BDP1: variants seen among roughly 807,000 people sequenced by gnomAD.
BDP1 encodes transcription factor TFIIIB component B'' homolog.
Under a neutral mutation model 266.6 loss-of-function variants are expected in BDP1, and 169 were observed. The observed-to-expected ratio is 0.63, with a 90% CI of 0.56 to 0.72. The LOEUF is 0.72. BDP1 is among the 30% of genes least tolerant of loss of function. The pLI is 0.00. For missense variants in BDP1, 3,015 were observed against 3,053.8 expected (o/e 0.99, Z 0.30); for synonymous variants, 1,090 against 1,022.4 (o/e 1.07, Z -1.26).
intron 16 of BDP1, among the ~76,000 whole-genome samples, chr5:71,507,010 C>T (rs1300333673): frequency 6.6e-6 from 1 of 151,956 alleles, no homozygotes; most frequent in Non-Finnish European, 1.5e-5. Context: ...TTTGTAGAGA[C>T]AGGGTTTCGC....
At position 71,567,567 on chromosome 5, in the gene BDP1, A is replaced by G. The variant is rs1342614914; in HGVS notation, c.*2682A>G. 1 of 152,584 alleles carries G rather than the reference A, an allele frequency of 6.6e-6. No homozygotes were observed. The highest frequency in any genetic ancestry group is 1.9e-4 in the East Asian group (1 of 5,200). 9.5% of individuals were successfully genotyped at this position (152,584 alleles called of 1,614,324 possible). Reference sequence around the variant, plus strand: ...CTTTTCTTGACTTTTTCTCCTGAACACTTATGTCTTAGCAAGTGGTCAACA... The same window carrying G: ...CTTTTCTTGACTTTTTCTCCTGAACGCTTATGTCTTAGCAAGTGGTCAACA... On this transcript the variant is annotated 3_prime_UTR_variant, in exon 39 of 39. Coordinates refer to ENST00000358731, the MANE Select transcript of BDP1 (RefSeq NM_018429.3).
intron 30 of BDP1, among the ~76,000 whole-genome samples, chr5:71,543,724 G>A (rs115726696): frequency 6.6e-6 from 1 of 152,292 alleles, no homozygotes; most frequent in South Asian, 2.1e-4. Context: ...CCAACTACAG[G>A]TGTCAACCTG....
Position 71,513,340 on chromosome 5 carries a change from C to T in BDP1, c.4403C>T (p.Thr1468Ile). Residue 1468 changes from threonine to isoleucine, a missense_variant, in exon 19 of 39, where the codon ACC (threonine) becomes ATC (isoleucine). By Grantham distance (89) the Thr-to-Ile change is moderately conservative. Coordinates refer to ENST00000358731, the MANE Select transcript of BDP1 (RefSeq NM_018429.3). ...TATATATATGAGAAGAAATCAGAAA[C>T]CAAGAAAATGGAGACTATTGTGATG... ...EKYIYEKKSE[T>I]KKMETIVMQE... 1 of 1,605,346 alleles carries T rather than the reference C, an allele frequency of 6.2e-7. No individual in the cohort carries two copies. The highest frequency in any genetic ancestry group is 8.5e-7 in the Non-Finnish European group (1 of 1,175,676).
chr5:71,504,861 T>C, intron 16 of BDP1, 110 bp downstream of exon 16: 1 of 938,530 alleles, frequency 1.1e-6, no homozygotes, highest in East Asian at 2.6e-5. Context: ...TCTGCGTGTC[T>C]AGTTATGTAG....
Position 71,510,361 on chromosome 5 carries a change from A to G in BDP1, c.3269A>G (p.Asp1090Gly), listed in dbSNP as rs762976300. Residue 1090 changes from aspartate (D) to glycine (G), a missense_variant, in exon 17 of 39, where the codon GAT (aspartate) becomes GGT (glycine). By Grantham distance (94) the Asp-to-Gly change is moderately conservative (BLOSUM62 -1). Coordinates refer to ENST00000358731, the MANE Select transcript of BDP1 (RefSeq NM_018429.3). ...VIDAIEEIEI[D>G]LEETEREISP... ...GATGCCATTGAGGAAATAGAGATAG[A>G]TTTGGAAGAAACTGAAAGAGAAATA... 5 of 1,614,008 alleles carry G rather than the reference A, an allele frequency of 3.1e-6. No individual in the cohort carries two copies. The highest frequency in any genetic ancestry group is 4.2e-6 in the Non-Finnish European group (5 of 1,179,992).
At position 71,560,100 on chromosome 5, in the gene BDP1, T is replaced by G. The variant is rs763982430; in HGVS notation, c.7359T>G (p.Asp2453Glu). 1.2e-6 allele frequency: 2 copies of G among 1,614,150 alleles called. No individual in the cohort carries two copies. The highest frequency in any genetic ancestry group is 2.2e-5 in the South Asian group (2 of 91,084). ...AFQSRGSRSP[D>E]ACMDKNVPQL... is the part of the protein sequence containing the mutation. The stretch of plus-strand genomic sequence containing the variant: ...AGAGTAGAGGATCTAGATCTCCTGA[T>G]GCATGCATGGACAAGAATGTGCCTC... Residue 2453 changes from aspartate to glutamate, a missense_variant, in exon 37 of 39, where the codon GAT (aspartate) becomes GAG (glutamate). This residue lies in a region of BDP1 where 629 missense variants were observed against 632.5 expected (regional missense o/e 0.99). Transcript: ENST00000358731.
intron 6 of BDP1, 107 bp from the exon 7 acceptor site, chr5:71,470,288 G>T (rs1762159600): frequency 2.5e-6 from 2 of 796,826 alleles, no homozygotes; most frequent in East Asian, 5.5e-5. Context: ...GTATTGCATG[G>T]GGATCTTTCT....
At chr5:71,546,798 A>G (rs181295900) in intron 32 of BDP1, among the ~76,000 whole-genome samples, 2 of 152,210 alleles carry the variant, frequency 1.3e-5, no homozygotes, top group East Asian at 3.9e-4. Context: ...ACAATATGTA[A>G]TATACAGTTT....
intron 25 of BDP1, among the ~76,000 whole-genome samples, chr5:71,527,344 C>G (rs1327663774): frequency 7.2e-5 from 11 of 152,274 alleles, no homozygotes; most frequent in African/African-American, 2.6e-4. Context: ...CTGGCCTGGT[C>G]ACTCTCAGGT....
At chr5:71,464,715 G>GTCTT (rs1761789905) in intron 4 of BDP1, among the ~76,000 whole-genome samples, 9 of 88,060 alleles carry the variant, frequency 1.0e-4, no homozygotes, top group African/African-American at 3.8e-4. Flanking sequence ...AAATTTTTTA[G>GTCTT]TTTTTTTTTT....
rs755967210 is a variant in BDP1, at chr5:71,539,559, A to G, written c.5932A>G (p.Thr1978Ala). ...TSEHIQDEPGTNDGSTEAAIT... is the reference protein window; with the variant it reads ...TSEHIQDEPGANDGSTEAAIT... Reference sequence around the variant, plus strand: ...ATGTTGATATATTTCCTCACAAGGTACCAATGATGGAAGCACCGAAGCTGC... The same window carrying G: ...ATGTTGATATATTTCCTCACAAGGTGCCAATGATGGAAGCACCGAAGCTGC... The change falls in exon 28 of 39, where the codon ACC becomes GCC. Residue 1978 changes from threonine (T) to alanine (A), a missense_variant and splice_region_variant. By Grantham distance (58) the Thr-to-Ala change is moderately conservative (BLOSUM62 0). Around this residue, in one of 3 missense-constraint regions of BDP1, gnomAD observed 2,383 missense variants for 2,404.9 expected, o/e 0.99. Coordinates refer to ENST00000358731, the MANE Select transcript of BDP1 (RefSeq NM_018429.3). 1.2e-6 allele frequency: 2 copies of G among 1,607,590 alleles called. No homozygotes were observed.
In BDP1 at chr5:71,509,835, A is replaced by G. The variant is rs886923417; in HGVS notation, c.2743A>G (p.Thr915Ala). 6.2e-7 allele frequency: 1 copy of G among 1,613,698 alleles called. No homozygotes were observed. Among genetic ancestry groups the G allele is most frequent in the African/African-American group, 1.3e-5 (1 of 74,882 alleles). Residue 915 changes from threonine to alanine, a missense_variant, in exon 17 of 39, where the codon ACG (threonine) becomes GCG (alanine). Around this residue, in one of 3 missense-constraint regions of BDP1, gnomAD observed 2,383 missense variants for 2,404.9 expected, o/e 0.99. Coordinates refer to ENST00000358731, the MANE Select transcript of BDP1 (RefSeq NM_018429.3). ...AAGAGAGATTTGTCTAAGGGAGAAG[A>G]CGCCAGAGGTGATTGATGCCACTGA... ...MGREICLREK[T>A]PEVIDATEEI...
At chr5:71,501,853 CTATTGAGTT>C (rs1157651553) in intron 14 of BDP1, among the ~76,000 whole-genome samples, 200 bp downstream of exon 14, 1 of 151,970 alleles carries the variant, frequency 6.6e-6, no homozygotes, top group Non-Finnish European at 1.5e-5. Context: ...TTTTATGAGT[CTATTGAGTT>C]AGCCATTACA....
chr5:71,531,102 C>T (rs537335966), intron 25 of BDP1, among the ~76,000 whole-genome samples: 1 of 152,024 alleles, frequency 6.6e-6, no homozygotes, highest in South Asian at 2.1e-4. Flanking sequence ...GTCTTGAAGG[C>T]AGATTCTCAG....
Position 71,491,003 on chromosome 5 carries a change from G to T in BDP1, c.1512G>T (p.Arg504Ser), listed in dbSNP as rs7709578. Residue 504 changes from arginine to serine, a missense_variant, in exon 11 of 39, where the codon AGG (arginine) becomes AGT (serine). Physicochemically the swap from Arg to Ser is moderately radical, Grantham distance 110 (BLOSUM62 -1). This residue lies in a region of BDP1 where 2,383 missense variants were observed against 2,404.9 expected (regional missense o/e 0.99). Transcript: ENST00000358731. ...TTGTAGATAAATGTCAGGCTATAAG[G>T]CCTGAGCTAAAGGAAGGTGAATGCA... ...EKHKNKCQAIRPELKEGECSK... is the reference protein window; with the variant it reads ...EKHKNKCQAISPELKEGECSK... The T allele has an allele frequency of 1.5e-3, 2,494 of 1,611,082 alleles. 31 individuals are homozygous for T. In the African/African-American group the frequency reaches 0.026, roughly 17 times the overall value.
At chr5:71,499,729 A>G (rs930604286) in intron 13 of BDP1, among the ~76,000 whole-genome samples, 12 of 152,096 alleles carry the variant, frequency 7.9e-5, no homozygotes, top group Non-Finnish European at 1.8e-4. Flanking sequence ...CATGTTATTG[A>G]TTTACCTAAT....
downstream of BDP1, among the ~76,000 whole-genome samples, chr5:71,569,352 T>C (rs1744190856): frequency 6.6e-6 from 1 of 152,106 alleles, no homozygotes; most frequent in Admixed American, 6.5e-5. Context: ...CTTGAGAGGC[T>C]GAGGCAGGAA....
intron 14 of BDP1, among the ~76,000 whole-genome samples, chr5:71,502,289 C>A (rs1420619105): frequency 6.6e-6 from 1 of 151,072 alleles, no homozygotes; most frequent in African/African-American, 2.4e-5. Context: ...ATTCTTCTGC[C>A]TCAGCCTCCC....
In BDP1 at chr5:71,512,353, A is replaced by C; in HGVS notation, c.4172A>C (p.His1391Pro). 6.3e-7 allele frequency: 1 copy of C among 1,597,126 alleles called. No individual in the cohort carries two copies. The highest frequency in any genetic ancestry group is 8.5e-7 in the Non-Finnish European group (1 of 1,175,740). The part of the protein sequence containing the change: ...FSHFKISSQT[H>P]ESDKTEVQGI... ...CATTTCAAGATTTCTTCACAGACTCATGAATCTGATAAAACAGAAGTCCAG... is the reference window on the plus strand; with the variant it reads ...CATTTCAAGATTTCTTCACAGACTCCTGAATCTGATAAAACAGAAGTCCAG... The change falls in exon 18 of 39, where the codon CAT becomes CCT. Residue 1391 changes from histidine (H) to proline (P), a missense_variant. His to Pro is a moderately conservative substitution (Grantham distance 77, BLOSUM62 -2). Coordinates refer to ENST00000358731, the MANE Select transcript of BDP1 (RefSeq NM_018429.3).
Sources: gnomAD v4.1 joint callset for allele counts (sites outside exome capture counted in the v4.1 genomes callset) on GRCh38, gnomAD v4.1.1 for gene constraint, gnomAD v4.1.1 regional missense constraint, MANE v1.5 for transcripts, NCBI Gene and HGNC (gene_info 2026-07-23, HGNC 2026-07-21) for gene names.